Variants in PHLPP1 observed in about 807,000 individuals in gnomAD.
PHLPP1 encodes the protein PH domain leucine-rich repeat-containing protein phosphatase 1.
Under a neutral mutation model 117.2 loss-of-function variants are expected in PHLPP1, and 42 were observed. That is an observed-to-expected ratio of 0.36 (90% CI 0.28 to 0.46). The LOEUF is 0.46. Ranked by LOEUF, PHLPP1 falls within the 20% of genes least tolerant of loss-of-function variation. The pLI, the probability that PHLPP1 is intolerant of heterozygous loss-of-function variation, is 1.00. For missense variants in PHLPP1, 2,084 were observed against 2,241.9 expected (o/e 0.93, Z 1.42); for synonymous variants, 1,042 against 970.7 (o/e 1.07, Z -1.37).
rs1910755021 is a variant in PHLPP1, at chr18:62,716,743, C to G, written c.1060C>G (p.Pro354Ala). Residue 354 changes from proline (P) to alanine (A), a missense_variant, in exon 1 of 17, where the codon CCC becomes GCC. This residue lies in a region of PHLPP1 where 719 missense variants were observed against 636.0 expected (regional missense o/e 1.13). Coordinates refer to ENST00000262719, the MANE Select transcript of PHLPP1 (RefSeq NM_194449.4). The surrounding 1 kb of genome is among the most constrained non-coding windows in gnomAD (Gnocchi z 5.7). ...CGACACCGAGAGCTTCAGTCTGAGT[C>G]CCAGCGCCGAGAGCGTGTCTGACCG... ...VSDTESFSLS[P>A]SAESVSDRLD... 2.6e-6 allele frequency: 4 copies of G among 1,517,920 alleles called. No individual in the cohort carries two copies. In the Admixed American group the frequency reaches 8.1e-5, roughly 31 times the overall value. The allele number at this position is 1,517,920 out of a possible 1,614,324, so 94.0% of individuals were successfully genotyped here.
intron 1 of PHLPP1, among the ~76,000 whole-genome samples, chr18:62,754,287 T>C (rs1329129149): frequency 6.6e-6 from 1 of 152,198 alleles, no homozygotes; most frequent in Admixed American, 6.5e-5. Flanking sequence ...ACTAGGCAGT[T>C]GTTGGGTATG....
intron 5 of PHLPP1, 123 bp downstream of exon 5, chr18:62,895,280 A>G: frequency 5.3e-6 from 5 of 945,546 alleles, no homozygotes; most frequent in Non-Finnish European, 7.9e-6. Context: ...CCCCAAATCA[A>G]GAGATCAGGG....
intron 4 of PHLPP1, among the ~76,000 whole-genome samples, chr18:62,888,337 G>GTAT (rs1168141605): frequency 4.4e-5 from 5 of 114,630 alleles, no homozygotes; most frequent in Non-Finnish European, 8.1e-5. Flanking sequence ...GTGTGTGTAT[G>GTAT]TTTTTTTTTT....
intron 2 of PHLPP1, among the ~76,000 whole-genome samples, chr18:62,835,157 T>C (rs1951716476): frequency 1.3e-5 from 2 of 152,072 alleles, no homozygotes; most frequent in Non-Finnish European, 1.5e-5. Flanking sequence ...GAAGATCTAG[T>C]ACAGTGTTGA....
Position 62,973,508 on chromosome 18 carries a change from T to G in PHLPP1, c.3755+800T>G, listed in dbSNP as rs1911109635. Among the ~76,000 whole-genome samples, 2 of 152,226 alleles carry G rather than the reference T, an allele frequency of 1.3e-5. 1 individual carries two copies. Among genetic ancestry groups the G allele is most frequent in the South Asian group, 4.1e-4 (2 of 4,820 alleles). ...AGGTCATGAGAGCAGTCATGGTGTT[T>G]TATCCTTATCTGCTCTTTCTCTCCC... is the stretch of plus-strand genomic sequence containing the variant. On this transcript the variant is annotated intron_variant, in intron 15 of 16. Coordinates refer to ENST00000262719, the MANE Select transcript of PHLPP1 (RefSeq NM_194449.4).
At chr18:62,913,492 G>A (rs1917014101) in intron 8 of PHLPP1, among the ~76,000 whole-genome samples, 2 of 152,110 alleles carry the variant, frequency 1.3e-5, no homozygotes, top group South Asian at 2.1e-4. Context: ...TTTTCCTTTT[G>A]CTGTAATATC....
chr18:62,957,818 C>T (rs766611637), intron 12 of PHLPP1, among the ~76,000 whole-genome samples: 2 of 152,014 alleles, frequency 1.3e-5, no homozygotes, highest in East Asian at 1.9e-4. Flanking sequence ...CAGAATCAAG[C>T]GATTCTCCTG....
At chr18:62,755,249 C>T (rs1335436956) in intron 1 of PHLPP1, among the ~76,000 whole-genome samples, 1 of 151,942 alleles carries the variant, frequency 6.6e-6, no homozygotes, top group Non-Finnish European at 1.5e-5. Flanking sequence ...CTAGCCCGGA[C>T]GTCCAAAACC....
intron 8 of PHLPP1, among the ~76,000 whole-genome samples, chr18:62,905,677 T>A (rs900771446): frequency 4.6e-5 from 7 of 152,236 alleles, no homozygotes; most frequent in Non-Finnish European, 8.8e-5. Flanking sequence ...ATTTAATTTT[T>A]TAAGTGCTTT....
intron 14 of PHLPP1, among the ~76,000 whole-genome samples, chr18:62,964,308 C>G (rs1007171164): frequency 1.3e-5 from 2 of 152,172 alleles, no homozygotes; most frequent in East Asian, 3.9e-4. Context: ...AGTCTCCCAA[C>G]CTAGACTCAT....
intron 4 of PHLPP1, among the ~76,000 whole-genome samples, chr18:62,880,171 C>G (rs1274532829): frequency 1.3e-5 from 2 of 151,334 alleles, no homozygotes; most frequent in Non-Finnish European, 2.9e-5. Flanking sequence ...TAGCATCAGA[C>G]TTTTATTATA....
intron 1 of PHLPP1, among the ~76,000 whole-genome samples, chr18:62,793,256 A>C (rs1350011460): frequency 2.0e-5 from 3 of 152,214 alleles, no homozygotes; most frequent in Non-Finnish European, 4.4e-5. Flanking sequence ...CATGATCAAC[A>C]AGTCACCTAG....
intron 4 of PHLPP1, among the ~76,000 whole-genome samples, chr18:62,872,120 A>G (rs1915919988): frequency 6.6e-6 from 1 of 152,248 alleles, no homozygotes; most frequent in Admixed American, 6.5e-5. Flanking sequence ...AGAAAAGTAT[A>G]CAGATTTTTA....
intron 4 of PHLPP1, among the ~76,000 whole-genome samples, chr18:62,894,590 G>C (rs1044858375): frequency 1.3e-5 from 2 of 152,172 alleles, no homozygotes; most frequent in Non-Finnish European, 2.9e-5. Context: ...TTTTGGGTTT[G>C]AGAAACATGA....
In PHLPP1 at chr18:62,882,270, AT is replaced by A. The variant is rs754386808; in HGVS notation, c.2067-12725del. ...GTGTCTCTCATTCATTCACTTAACT[AT>A]TTTTTTTTTTTTTTTGAGATGGTGT... On this transcript the variant is annotated intron_variant, in intron 4 of 16. Coordinates refer to ENST00000262719, the MANE Select transcript of PHLPP1 (RefSeq NM_194449.4). Among the ~76,000 whole-genome samples, 708 of 137,600 alleles carry A rather than the reference AT, an allele frequency of 5.1e-3. 1 individual carries two copies. The highest frequency in any genetic ancestry group is 0.011 in the Middle Eastern group (3 of 268). The allele number at this position is 137,600 out of a possible 152,430, so 90.3% of individuals were successfully genotyped here. A position where few individuals can be genotyped will look rare whatever the true frequency, so the allele number is the denominator to read the frequency against.
chr18:62,724,727 T>C (rs1489605809), intron 1 of PHLPP1, among the ~76,000 whole-genome samples: 2 of 152,252 alleles, frequency 1.3e-5, no homozygotes, highest in Non-Finnish European at 2.9e-5. Context: ...CAAGGTTTTT[T>C]CCTAGTTCTT....
chr18:62,723,225 T>G (rs1910975659), intron 1 of PHLPP1, among the ~76,000 whole-genome samples: 1 of 152,244 alleles, frequency 6.6e-6, no homozygotes, highest in Admixed American at 6.5e-5. Flanking sequence ...GCACATATTG[T>G]ATGATTTTGG....
chr18:62,771,125 A>AAT, intron 1 of PHLPP1, among the ~76,000 whole-genome samples: 1 of 151,844 alleles, frequency 6.6e-6, no homozygotes, highest in East Asian at 1.9e-4. Flanking sequence ...GAGGCAGGAA[A>AAT]ATCGCTTGAA....
intron 14 of PHLPP1, among the ~76,000 whole-genome samples, chr18:62,965,170 T>G (rs1910867068): frequency 6.6e-6 from 1 of 152,232 alleles, no homozygotes; most frequent in Admixed American, 6.5e-5. Context: ...TTCTTACCCT[T>G]TGGTTTTGCC....
Sources: gnomAD v4.1 joint callset for allele counts (sites outside exome capture counted in the v4.1 genomes callset) on GRCh38, gnomAD v4.1.1 for gene constraint, gnomAD v4.1.1 regional missense constraint, Gnocchi (gnomAD v3.1) non-coding constraint, MANE v1.5 for transcripts, NCBI Gene and HGNC (gene_info 2026-07-23, HGNC 2026-07-21) for gene names.